Variants in CERK observed in about 807,000 individuals in gnomAD.
CERK encodes the protein ceramide kinase.
A neutral mutation model predicts 63.4 loss-of-function variants in CERK; 39 were observed. The ratio of observed to expected loss-of-function variants is 0.61; its 90% CI spans 0.48 to 0.80. The LOEUF is 0.80. Ranked by LOEUF, CERK falls within the 30% of genes least tolerant of loss-of-function variation. The pLI is 0.00. For synonymous variants in CERK, 302 were observed against 280.0 expected, an observed-to-expected ratio of 1.08 and a Z score of -0.78; for missense variants, 670 against 714.1, an observed-to-expected ratio of 0.94 and a Z score of 0.70.
At chr22:46,692,019 G>A (rs1355197226) in intron 10 of CERK, among the ~76,000 whole-genome samples, 6 of 152,208 alleles carry the variant, frequency 3.9e-5, no homozygotes, top group African/African-American at 7.2e-5. Context: ...TCCTCACTTG[G>A]TGACTTTTGG....
chr22:46,702,569 G>A (rs1020776232), intron 6 of CERK, among the ~76,000 whole-genome samples: 4 of 152,286 alleles, frequency 2.6e-5, no homozygotes, highest in East Asian at 1.9e-4. Context: ...GGGATTAGGC[G>A]TGAGCCACCA....
intron 12 of CERK, among the ~76,000 whole-genome samples, chr22:46,688,720 C>G (rs1181560126): frequency 6.6e-6 from 1 of 152,260 alleles, no homozygotes; most frequent in Non-Finnish European, 1.5e-5. Context: ...ATCTGACACC[C>G]AGCTTTCGTT....
intron 1 of CERK, among the ~76,000 whole-genome samples, chr22:46,723,393 C>T (rs1202502683): frequency 6.6e-6 from 1 of 152,072 alleles, no homozygotes; most frequent in Non-Finnish European, 1.5e-5. Flanking sequence ...CCGAGGCAGG[C>T]AGAGCACTTC....
Position 46,693,478 on chromosome 22 carries a change from G to A in CERK, c.1075C>T (p.Gln359Ter), listed in dbSNP as rs1356410233. 6.2e-7 allele frequency: 1 copy of A among 1,614,102 alleles called. No homozygotes were observed. Among genetic ancestry groups the A allele is most frequent in the Non-Finnish European group, 8.5e-7 (1 of 1,179,982 alleles). ...TTCTTCTGCTCCTCCTCCAGCTGCT[G>A]CTTGCTTTGCCTGCAAACAAAGCAT... ...AGCFVCRQSK[Q>*]QLEEEQKKAL... The change falls in exon 10 of 13, where the codon CAG becomes TAG. Residue 359 changes from glutamine to a stop codon, truncating the protein, a stop_gained. Coordinates refer to ENST00000216264, the MANE Select transcript of CERK (RefSeq NM_022766.6). LOFTEE classifies it high-confidence loss of function.
Position 46,707,866 on chromosome 22 carries a change from AG to A in CERK, c.691del (p.Leu231SerfsTer86). 3 of 1,612,324 alleles carry A rather than the reference AG, an allele frequency of 1.9e-6. No homozygotes were observed. The highest frequency in any genetic ancestry group is 2.5e-6 in the Non-Finnish European group (3 of 1,178,958). On this transcript the variant is annotated frameshift_variant, in exon 6 of 13. Transcript: ENST00000216264. LOFTEE classifies it high-confidence loss of function. Reference sequence around the variant, plus strand: ...ACCTGCGGGAATGATTCCAATCCGGAGGCTACTGGGGACCAGCACAGCCCGG... The same window carrying A: ...ACCTGCGGGAATGATTCCAATCCGGAGCTACTGGGGACCAGCACAGCCCGG... ...HPRAVLVPSS[L>X]RIGIIPAGST...
chr22:46,684,423 CTT>C lies in CERK; in HGVS notation c.*2709_*2710del, dbSNP rs2082688388. ...AAGCAAGCCAAGTCTGCCCAAGTAA[CTT>C]TATTCGTGTCTTCTCAAACATTTCA... On this transcript the variant is annotated 3_prime_UTR_variant, in exon 13 of 13. Coordinates refer to ENST00000216264, the MANE Select transcript of CERK (RefSeq NM_022766.6). The C allele has an allele frequency of 6.6e-6, 1 of 152,222 alleles. No homozygotes were observed. Among genetic ancestry groups the C allele is most frequent in the Non-Finnish European group, 1.5e-5 (1 of 68,042 alleles). The allele number at this position is 152,222 out of a possible 1,614,324, so 9.4% of individuals were successfully genotyped here.
chr22:46,691,465 T>C lies in CERK; in HGVS notation c.1332+107A>G, dbSNP rs1472742911. Reference sequence around the variant, plus strand: ...AAATTAAAAAAAAAAAAGTTTGCCCTTCCTTCCCTTGAATTAAATAATGAA... The same window carrying C: ...AAATTAAAAAAAAAAAAGTTTGCCCCTCCTTCCCTTGAATTAAATAATGAA... On this transcript the variant is annotated intron_variant, in intron 11 of 12. Transcript: ENST00000216264. 7 of 971,506 alleles carry C rather than the reference T, an allele frequency of 7.2e-6. No homozygotes were observed. In the Admixed American group the frequency reaches 2.1e-4, roughly 29 times the overall value. The allele number at this position is 971,506 out of a possible 1,614,324, so 60.2% of individuals were successfully genotyped here.
rs1199035737 is a variant in CERK, at chr22:46,712,160, T to C, written c.505+8A>G. 2 of 1,613,922 alleles carry C rather than the reference T, an allele frequency of 1.2e-6. No homozygotes were observed. The highest frequency in any genetic ancestry group is 1.1e-5 in the South Asian group (1 of 90,990). On this transcript the variant is annotated splice_region_variant and intron_variant, in intron 4 of 12. Transcript: ENST00000216264. ...TTACTTCTACATAGTTAACATAGAATTTGTTACCGATGATGTCAGTGGTGA... is the reference window on the plus strand; with the variant it reads ...TTACTTCTACATAGTTAACATAGAACTTGTTACCGATGATGTCAGTGGTGA...
intron 11 of CERK, among the ~76,000 whole-genome samples, chr22:46,691,014 CAT>C (rs202186102): frequency 0.013 from 1,969 of 150,562 alleles, 42 homozygotes; most frequent in African/African-American, 0.045. Flanking sequence ...TGTATATACA[CAT>C]ATATGTATAT....
intron 5 of CERK, 27 bp downstream of exon 5, chr22:46,711,059 G>T: frequency 6.3e-7 from 1 of 1,592,088 alleles, no homozygotes; most frequent in African/African-American, 1.3e-5. Flanking sequence ...CAATGGACTT[G>T]ATGGCGATGA....
At chr22:46,715,504 G>T (rs2082862057) in intron 3 of CERK, among the ~76,000 whole-genome samples, 1 of 152,088 alleles carries the variant, frequency 6.6e-6, no homozygotes, top group East Asian at 1.9e-4. Context: ...AATGCCACAG[G>T]GTCAAGCAGA....
intron 11 of CERK, among the ~76,000 whole-genome samples, chr22:46,690,995 G>A (rs911102314): frequency 6.7e-5 from 10 of 148,492 alleles, no homozygotes; most frequent in African/African-American, 2.5e-4. Context: ...GTATATGTAT[G>A]TATGTGTATG....
At chr22:46,693,639 T>G in intron 9 of CERK, 136 bp from the exon 10 acceptor site, 1 of 697,358 alleles carries the variant, frequency 1.4e-6, no homozygotes, top group Non-Finnish European at 2.5e-6. Context: ...AAATATTTTT[T>G]GGCATATTAA....
At chr22:46,707,030 G>A (rs577887558) in intron 6 of CERK, among the ~76,000 whole-genome samples, 1 of 152,122 alleles carries the variant, frequency 6.6e-6, no homozygotes, top group South Asian at 2.1e-4. Flanking sequence ...TTGCTTTGAG[G>A]CAAGGTGGCC....
chr22:46,688,939 A>G lies in CERK; in HGVS notation c.1541+1053T>C, dbSNP rs148746210. Among the ~76,000 whole-genome samples, 964 of 152,348 alleles carry G rather than the reference A, an allele frequency of 6.3e-3. 5 individuals are homozygous for G. Among genetic ancestry groups the G allele is most frequent in the Non-Finnish European group, 0.01 (709 of 68,026 alleles). The stretch of plus-strand genomic sequence containing the variant: ...ATTCAGTGGCCTTTTGAAAAAATCA[A>G]CTTGCTTGTTACTGGGTCTTTCCAT... On this transcript the variant is annotated intron_variant, in intron 12 of 12. Coordinates refer to ENST00000216264, the MANE Select transcript of CERK (RefSeq NM_022766.6).
Position 46,730,039 on chromosome 22 carries a change from A to AAAACAAACAAAC in CERK, c.142+7956_142+7967dup, listed in dbSNP as rs150531711. Among the ~76,000 whole-genome samples, 185 of 150,348 alleles carry AAAACAAACAAAC rather than the reference A, an allele frequency of 1.2e-3. 5 individuals are homozygous for AAAACAAACAAAC. Among genetic ancestry groups the AAAACAAACAAAC allele is most frequent in the Non-Finnish European group, 5.0e-4 (34 of 67,488 alleles). On this transcript the variant is annotated intron_variant, in intron 1 of 12. Transcript: ENST00000216264. ...GGGTGACAGATCGAGACTCCATCTC[A>AAAACAAACAAAC]AAACAAACAAACAAACAAACAAACA...
In CERK at chr22:46,733,404, G is replaced by C. The variant is rs193233035; in HGVS notation, c.142+4603C>G. Among the ~76,000 whole-genome samples, 53 of 150,754 alleles carry C rather than the reference G, an allele frequency of 3.5e-4. 1 individual carries two copies. Among genetic ancestry groups the C allele is most frequent in the Admixed American group, 3.5e-3 (53 of 15,136 alleles). On this transcript the variant is annotated intron_variant, in intron 1 of 12. Coordinates refer to ENST00000216264, the MANE Select transcript of CERK (RefSeq NM_022766.6). ...CGCCTCCCAGGTTCAAGAGATTCTCGTGCCTCAGCCTCCTGAGAGGCTGGG... is the reference window on the plus strand; with the variant it reads ...CGCCTCCCAGGTTCAAGAGATTCTCCTGCCTCAGCCTCCTGAGAGGCTGGG...
At chr22:46,702,564 T>TAC (rs1321619685) in intron 6 of CERK, among the ~76,000 whole-genome samples, 1 of 152,124 alleles carries the variant, frequency 6.6e-6, no homozygotes, top group African/African-American at 2.4e-5. Flanking sequence ...GTGCTGGGAT[T>TAC]AGGCGTGAGC....
At chr22:46,698,883 G>A (rs2082769306) in intron 8 of CERK, among the ~76,000 whole-genome samples, 2 of 152,114 alleles carry the variant, frequency 1.3e-5, no homozygotes, top group South Asian at 2.1e-4. Flanking sequence ...CCTGAGTGAC[G>A]GAGGAAGACT....
Sources: gnomAD v4.1 joint callset for allele counts (sites outside exome capture counted in the v4.1 genomes callset) on GRCh38, gnomAD v4.1.1 for gene constraint, MANE v1.5 for transcripts, NCBI Gene and HGNC (gene_info 2026-07-23, HGNC 2026-07-21) for gene names.